The following SPRR2G variants were observed in gnomAD, a reference collection of about 807,000 sequenced individuals.
SPRR2G encodes the protein small proline-rich protein 2G.
SPRR2G carries 1 observed loss-of-function variant against 0.7 expected under a neutral mutation model. That is an observed-to-expected ratio of 1.49 (90% CI 0.53 to 7.06). SPRR2G has a LOEUF of 7.06. Ranked by LOEUF, SPRR2G falls within the 30% of genes most tolerant of loss-of-function variation. The probability of loss-of-function intolerance (pLI) is 0.14; values close to 1 mark genes in which losing one functional copy is unlikely to be tolerated. For synonymous variants in SPRR2G, 38 were observed against 33.9 expected, an observed-to-expected ratio of 1.12 and a Z score of -0.42; for missense variants, 96 against 88.5, an observed-to-expected ratio of 1.09 and a Z score of -0.34.
At chr1:153,197,666 G>A in the SPRR2G span, among the ~76,000 whole-genome samples, 1 of 152,304 alleles carries the variant, frequency 6.6e-6, no homozygotes, top group East Asian at 1.9e-4. Context: ...GAACAGGTGG[G>A]GAGTCAATCC....
At chr1:153,197,913 A>G in the SPRR2G span, among the ~76,000 whole-genome samples, 3 of 152,268 alleles carry the variant, frequency 2.0e-5, no homozygotes, top group African/African-American at 7.2e-5. Context: ...TGCCTGGCCA[A>G]CATGTGCCAA....
chr1:153,200,714 T>C, the SPRR2G span, among the ~76,000 whole-genome samples: 2 of 152,024 alleles, frequency 1.3e-5, no homozygotes. Flanking sequence ...TTTTTTTTTT[T>C]TTTGAGACGG....
At position 153,150,122 on chromosome 1, in the gene SPRR2G, C is replaced by T. The variant is rs745359937; in HGVS notation, c.-12G>A. On this transcript the variant is annotated 5_prime_UTR_variant, in exon 2 of 2. Transcript: ENST00000368748. ...TGCTGGTAAGACATCTCTCCTCAGT[C>T]TCAGAGAATCTGAAAGATACATACG... 1.2e-6 allele frequency: 2 copies of T among 1,611,554 alleles called. No homozygotes were observed. The highest frequency in any genetic ancestry group is 4.2e-4 in the Middle Eastern group (2 of 4,718).
At chr1:153,189,210 T>C in the SPRR2G span, among the ~76,000 whole-genome samples, 1 of 152,216 alleles carries the variant, frequency 6.6e-6, no homozygotes, top group African/African-American at 2.4e-5. Flanking sequence ...TACTTCAACT[T>C]GAATTTCCAT....
chr1:153,162,172 G>A, the SPRR2G span, among the ~76,000 whole-genome samples: 4 of 151,986 alleles, frequency 2.6e-5, no homozygotes, highest in East Asian at 1.9e-4. Flanking sequence ...CTCCTCCCTC[G>A]GATAGGCCCC....
the SPRR2G span, among the ~76,000 whole-genome samples, chr1:153,173,617 C>G: frequency 0.041 from 6,299 of 152,214 alleles, 378 homozygotes; most frequent in Admixed American, 0.15. Flanking sequence ...AATGAACTTA[C>G]TTAGAAACTA....
At chr1:153,155,247 T>C (rs141712499), upstream of SPRR2G, among the ~76,000 whole-genome samples, 99 of 152,288 alleles carry the variant, frequency 6.5e-4, 2 homozygotes, top group East Asian at 0.019. Flanking sequence ...TAGATATCTC[T>C]GTCCAAATAT....
the SPRR2G span, among the ~76,000 whole-genome samples, chr1:153,163,130 A>T: frequency 1.3e-5 from 2 of 152,218 alleles, no homozygotes; most frequent in African/African-American, 4.8e-5. Context: ...AATCTTGAAG[A>T]ATATACAGTG....
At position 153,150,043 on chromosome 1, in the gene SPRR2G, C is replaced by T; in HGVS notation, c.68G>A (p.Cys23Tyr). Residue 23 changes from cysteine (C) to tyrosine (Y), a missense_variant, in exon 2 of 2, where the codon TGC (cysteine) becomes TAC (tyrosine). Transcript: ENST00000368748. ...CTTCGGGGGTGGACATGGCTCTGGG[C>T]ACTTTGGCGTGGGGCACACAGGAGG... ...QPPPVCPTPK[C>Y]PEPCPPPKCP... 6.2e-7 allele frequency: 1 copy of T among 1,613,434 alleles called. No individual in the cohort carries two copies. Among genetic ancestry groups the T allele is most frequent in the Non-Finnish European group, 8.5e-7 (1 of 1,179,874 alleles).
At chr1:153,166,211 G>A in the SPRR2G span, among the ~76,000 whole-genome samples, 18 of 152,182 alleles carry the variant, frequency 1.2e-4, no homozygotes, top group Non-Finnish European at 2.5e-4. Context: ...TCTGGGCAGA[G>A]ATTTTCCAAG....
At chr1:153,165,866 C>T in the SPRR2G span, among the ~76,000 whole-genome samples, 457 of 152,248 alleles carry the variant, frequency 3.0e-3, 2 homozygotes, top group African/African-American at 0.011. Context: ...ACTTTGGGGG[C>T]CTCTGTGACT....
the SPRR2G span, among the ~76,000 whole-genome samples, chr1:153,177,467 C>T: frequency 1.8e-4 from 28 of 152,284 alleles, no homozygotes; most frequent in African/African-American, 6.0e-4. Context: ...CATACTAGCA[C>T]TGTATGAGAG....
the SPRR2G span, among the ~76,000 whole-genome samples, chr1:153,157,124 T>C: frequency 6.6e-6 from 1 of 152,180 alleles, no homozygotes. Flanking sequence ...TCAAAAATAT[T>C]GTAAGGAAAA....
the SPRR2G span, among the ~76,000 whole-genome samples, chr1:153,167,414 T>C: frequency 0.55 from 83,590 of 151,804 alleles, 23,224 homozygotes; most frequent in East Asian, 0.64. Context: ...GCAGAGGCTG[T>C]GGTGAGCCAA....
In SPRR2G at chr1:153,150,071, G is replaced by A; in HGVS notation, c.40C>T (p.Pro14Ser). The A allele has an allele frequency of 6.2e-7, 1 of 1,612,960 alleles. No individual in the cohort carries two copies. The highest frequency in any genetic ancestry group is 8.5e-7 in the Non-Finnish European group (1 of 1,179,860). ...TTTGGCGTGGGGCACACAGGAGGTG[G>A]CTGGCAGGGCTGCTTGCACTGCTGC... Reference protein sequence around the residue: ...QQQQCKQPCQPPPVCPTPKCP... With the variant: ...QQQQCKQPCQSPPVCPTPKCP... The change falls in exon 2 of 2, where the codon CCA (proline) becomes TCA (serine). Residue 14 changes from proline (P) to serine (S), a missense_variant. Transcript: ENST00000368748.
At chr1:153,182,574 A>G in the SPRR2G span, among the ~76,000 whole-genome samples, 1 of 151,866 alleles carries the variant, frequency 6.6e-6, no homozygotes, top group South Asian at 2.1e-4. Context: ...CTGGTGTGTG[A>G]TGTTCCCCTC....
chr1:153,184,708 A>G, the SPRR2G span, among the ~76,000 whole-genome samples: 3 of 152,066 alleles, frequency 2.0e-5, no homozygotes, highest in Admixed American at 1.3e-4. Flanking sequence ...TTTCTCTTGC[A>G]TGATTGCCCT....
chr1:153,153,866 A>C (rs1016312049), upstream of SPRR2G, among the ~76,000 whole-genome samples: 1 of 152,172 alleles, frequency 6.6e-6, no homozygotes, highest in Non-Finnish European at 1.5e-5. Context: ...AAATGAACAG[A>C]GATGGCAAGA....
the SPRR2G span, among the ~76,000 whole-genome samples, chr1:153,202,856 C>A: frequency 3.2e-4 from 49 of 152,244 alleles, no homozygotes; most frequent in East Asian, 7.2e-3. Flanking sequence ...CTCCAGCCTC[C>A]CATCGCCACT....
Sources: allele counts gnomAD v4.1 joint callset (sites outside exome capture counted in the v4.1 genomes callset), GRCh38; gene constraint gnomAD v4.1.1; transcripts MANE v1.5; gene names NCBI Gene and HGNC (gene_info 2026-07-23, HGNC 2026-07-21).